The following COL9A1 variants were observed in gnomAD, a reference collection of about 807,000 sequenced individuals.
COL9A1 encodes the protein collagen type IX alpha 1 chain, also known as collagen alpha-1(IX) chain.
A neutral mutation model predicts 142.6 loss-of-function variants in COL9A1; 104 were observed. That is an observed-to-expected ratio of 0.73 (90% CI 0.62 to 0.86). COL9A1 has a LOEUF of 0.86. COL9A1 is among the 40% of genes least tolerant of loss of function. The pLI, the probability that COL9A1 is intolerant of heterozygous loss-of-function variation, is 0.00. For synonymous variants in COL9A1, 466 were observed against 396.0 expected, an observed-to-expected ratio of 1.18 and a Z score of -2.10; for missense variants, 1,210 against 1,176.6, an observed-to-expected ratio of 1.03 and a Z score of -0.42.
At position 70,267,319 on chromosome 6, in the gene COL9A1, G is replaced by GTTTTTTTTTTTTTTTTTTTT. The variant is rs1050364230; in HGVS notation, c.1288-550_1288-549insAAAAAAAAAAAAAAAAAAAA. On this transcript the variant is annotated intron_variant, in intron 17 of 37. Coordinates refer to ENST00000357250, the MANE Select transcript of COL9A1 (RefSeq NM_001851.6). ...TACATTTTTTGTTGTTGTTTGTTTGGTTTTTTTGTTTTTTTTTTTTGAGAT... is the reference window on the plus strand; with the variant it reads ...TACATTTTTTGTTGTTGTTTGTTTGGTTTTTTTTTTTTTTTTTTTTTTTTTTTGTTTTTTTTTTTTGAGAT... Among the ~76,000 whole-genome samples the GTTTTTTTTTTTTTTTTTTTT allele has an allele frequency of 3.6e-4, 36 of 99,670 alleles. 1 individual carries two copies. The highest frequency in any genetic ancestry group is 5.7e-4 in the Non-Finnish European group (26 of 45,692). 65.4% of individuals were successfully genotyped at this position (99,670 alleles called of 152,430 possible).
intron 10 of COL9A1, among the ~76,000 whole-genome samples, chr6:70,275,613 A>G (rs1389390652): frequency 2.0e-5 from 3 of 152,140 alleles, no homozygotes; most frequent in African/African-American, 4.8e-5. Context: ...GAATGATAAT[A>G]TCACATATAT....
chr6:70,241,591 A>C (rs2127565475), intron 30 of COL9A1, 137 bp from the exon 31 acceptor site: 1 of 751,024 alleles, frequency 1.3e-6, no homozygotes, highest in South Asian at 1.6e-5. Context: ...CTCACCACCC[A>C]ACAAGAATCA....
intron 37 of COL9A1, among the ~76,000 whole-genome samples, chr6:70,220,230 G>A (rs139228201): frequency 4.9e-4 from 74 of 152,008 alleles, no homozygotes; most frequent in African/African-American, 1.7e-3. Flanking sequence ...GCTCATTATT[G>A]AGCCCATTTT....
chr6:70,260,163 A>G (rs1771578172), intron 20 of COL9A1, among the ~76,000 whole-genome samples: 2 of 152,230 alleles, frequency 1.3e-5, no homozygotes, highest in Admixed American at 6.5e-5. Flanking sequence ...CATGGCAAAT[A>G]TCATGCATAC....
rs768608047 is a variant in COL9A1, at chr6:70,272,086, G to T, written c.1068C>A (p.Gly356=). Residue 356 remains glycine, a splice_region_variant and synonymous_variant, in exon 13 of 38, where the codon GGC becomes GGA. Coordinates refer to ENST00000357250, the MANE Select transcript of COL9A1 (RefSeq NM_001851.6). The stretch of plus-strand genomic sequence containing the variant: ...TTACAGGGGGTCCAGGAATACCACG[G>T]CCCTAAAAGAGTACAATAAAAATGG... ...PGVPGSRGFP[G]RGIPGPPGPP... The T allele has an allele frequency of 1.5e-5, 24 of 1,611,142 alleles. No individual in the cohort carries two copies. Among genetic ancestry groups the T allele is most frequent in the Non-Finnish European group, 1.4e-5 (16 of 1,177,880 alleles).
At chr6:70,225,857 A>G in intron 37 of COL9A1, 75 bp downstream of exon 37, 1 of 1,071,920 alleles carries the variant, frequency 9.3e-7, no homozygotes, top group Non-Finnish European at 1.5e-6. Context: ...ATTATTTTAA[A>G]ATTTTATTCA....
At chr6:70,247,493 A>G (rs559707952) in intron 28 of COL9A1, among the ~76,000 whole-genome samples, 2 of 152,304 alleles carry the variant, frequency 1.3e-5, no homozygotes, top group African/African-American at 4.8e-5. Flanking sequence ...AACGAACACT[A>G]TCCTCAGTAC....
intron 18 of COL9A1, among the ~76,000 whole-genome samples, chr6:70,265,500 C>CT (rs57504613): frequency 0.075 from 10,278 of 136,530 alleles, 451 homozygotes; most frequent in Non-Finnish European, 0.1. Context: ...TGTGCTTGTA[C>CT]TTTTTTTTTT....
intron 28 of COL9A1, among the ~76,000 whole-genome samples, chr6:70,248,664 GC>G (rs1234372043): frequency 6.6e-6 from 1 of 152,138 alleles, no homozygotes; most frequent in African/African-American, 2.4e-5. Context: ...AAATTTTATA[GC>G]AGGTGAGAAG....
At chr6:70,295,551 G>A (rs1215663787) in intron 4 of COL9A1, among the ~76,000 whole-genome samples, 2 of 152,056 alleles carry the variant, frequency 1.3e-5, no homozygotes, top group East Asian at 3.9e-4. Flanking sequence ...GTCTCCCATA[G>A]TGCTGGGATT....
chr6:70,241,275 A>G, intron 31 of COL9A1, 144 bp downstream of exon 31: 1 of 728,456 alleles, frequency 1.4e-6, no homozygotes, highest in East Asian at 2.6e-5. Context: ...ACTCAACACC[A>G]GGTTTCACTC....
In COL9A1 at chr6:70,231,730, C is replaced by A. The variant is rs929653683; in HGVS notation, c.2503+853G>T. On this transcript the variant is annotated intron_variant, in intron 36 of 37. Coordinates refer to ENST00000357250, the MANE Select transcript of COL9A1 (RefSeq NM_001851.6). The stretch of plus-strand genomic sequence containing the variant: ...CCGCAGTACTTAAAAAAAAAAAAAA[C>A]AACCCTCTCTTGTTTCTGATGCCAC... 1.7e-3 allele frequency among the ~76,000 whole-genome samples: 238 copies of A among 138,324 alleles called. 1 individual carries two copies. The highest frequency in any genetic ancestry group is 5.6e-3 in the African/African-American group (213 of 38,096). The allele number at this position is 138,324 out of a possible 152,430, so 90.7% of individuals were successfully genotyped here.
At chr6:70,253,452 C>T (rs771186120) in intron 25 of COL9A1, 23 bp from the exon 26 acceptor site, 9 of 1,568,044 alleles carry the variant, frequency 5.7e-6, no homozygotes, top group African/African-American at 4.1e-5. Context: ...ATACACAATC[C>T]TAGTTTAATC....
chr6:70,251,735 T>C (rs976510644), intron 28 of COL9A1, among the ~76,000 whole-genome samples: 1 of 152,172 alleles, frequency 6.6e-6, no homozygotes, highest in Non-Finnish European at 1.5e-5. Context: ...ATTCTTTTTT[T>C]AGGTGATGGA....
chr6:70,281,060 G>C (rs1413559274), intron 8 of COL9A1, 21 bp from the exon 9 acceptor site: 1 of 1,603,160 alleles, frequency 6.2e-7, no homozygotes, highest in Non-Finnish European at 8.5e-7. Context: ...AGGAGAAAAA[G>C]AGAGAGCAGT....
intron 37 of COL9A1, among the ~76,000 whole-genome samples, chr6:70,218,643 CCTT>C (rs1355345614): frequency 2.0e-5 from 3 of 152,088 alleles, no homozygotes; most frequent in African/African-American, 4.8e-5. Context: ...TGGTTACTCT[CCTT>C]CTTTCTCTGT....
At chr6:70,270,270 T>C (rs771344888) in intron 15 of COL9A1, 44 bp downstream of exon 15, 9 of 1,584,422 alleles carry the variant, frequency 5.7e-6, no homozygotes, top group African/African-American at 1.3e-5. Flanking sequence ...TTTTCAACCC[T>C]GACTCTCAGA....
intron 26 of COL9A1, 83 bp from the exon 27 acceptor site, chr6:70,252,398 T>A (rs773549629): frequency 8.1e-7 from 1 of 1,235,896 alleles, no homozygotes; most frequent in African/African-American, 1.5e-5. Flanking sequence ...CTGGGATCTC[T>A]TACATTTGAA....
Position 70,280,840 on chromosome 6 carries a change from G to A in COL9A1, c.947C>T (p.Pro316Leu), listed in dbSNP as rs1773108983. Residue 316 changes from proline to leucine, a missense_variant, in exon 10 of 38, where the codon CCA (proline) becomes CTA (leucine). Physicochemically the swap from Pro to Leu is moderately conservative, Grantham distance 98. Coordinates refer to ENST00000357250, the MANE Select transcript of COL9A1 (RefSeq NM_001851.6). ...PAGEPGKPGA[P>L]GKPGTPGADG... is the part of the protein sequence containing the mutation. ...AGCGCCAGGTGTGCCAGGCTTGCCT[G>A]GAGCTCCTGGCTTTCCCGGTTCACC... The A allele has an allele frequency of 1.2e-6, 2 of 1,613,284 alleles. No individual in the cohort carries two copies. The highest frequency in any genetic ancestry group is 2.7e-5 in the African/African-American group (2 of 74,900).
Sources: gnomAD v4.1 joint callset for allele counts (sites outside exome capture counted in the v4.1 genomes callset) on GRCh38, gnomAD v4.1.1 for gene constraint, MANE v1.5 for transcripts, NCBI Gene and HGNC (gene_info 2026-07-23, HGNC 2026-07-21) for gene names.